The following HAO1 variants were observed in gnomAD, a reference collection of about 807,000 sequenced individuals.
HAO1 encodes the protein hydroxyacid oxidase 1, also known as 2-Hydroxyacid oxidase 1.
Under a neutral mutation model 39.7 loss-of-function variants are expected in HAO1, and 34 were observed. The ratio of observed to expected loss-of-function variants is 0.86; its 90% confidence interval spans 0.65 to 1.14. HAO1 has a LOEUF of 1.14. Ranked by LOEUF, HAO1 falls within the 50% of genes most tolerant of loss-of-function variation. The pLI, the probability that HAO1 is intolerant of heterozygous loss-of-function variation, is 0.00. For synonymous variants in HAO1, 172 were observed against 173.2 expected (o/e 0.99, Z 0.05); for missense variants, 479 against 464.5 (o/e 1.03, Z -0.29).
Position 7,919,281 on chromosome 20 carries a change from T to C in HAO1, c.290-4862A>G, listed in dbSNP as rs2205818. Reference sequence around the variant, plus strand: ...CTTCTCTTACTCACTGACTCTTTCATTGTCCTTAAGACATATCTTCAAAGA... The same window carrying C: ...CTTCTCTTACTCACTGACTCTTTCACTGTCCTTAAGACATATCTTCAAAGA... On this transcript the variant is annotated intron_variant, in intron 2 of 7. Transcript: ENST00000378789. Among the ~76,000 whole-genome samples, 38,513 of 152,200 alleles carry C rather than the reference T, an allele frequency of 0.25. 5,460 individuals are homozygous for C. Among genetic ancestry groups the C allele is most frequent in the East Asian group, 0.48 (2,478 of 5,170 alleles).
chr20:7,889,817 T>A (rs1196375674), intron 5 of HAO1, among the ~76,000 whole-genome samples: 1 of 152,204 alleles, frequency 6.6e-6, no homozygotes, highest in East Asian at 1.9e-4. Flanking sequence ...AACACAATAC[T>A]GTGAAGATGT....
rs969879837 is a variant in HAO1, at chr20:7,883,677, G to T, written c.1043-14C>A. The T allele has an allele frequency of 6.4e-7, 1 of 1,564,368 alleles. No individual in the cohort carries two copies. Among genetic ancestry groups the T allele is most frequent in the African/African-American group, 1.4e-5 (1 of 74,072 alleles). Reference sequence around the variant, plus strand: ...CATTCTGGCACCCTGAAAAAATAATGCATACATTTAATATGAACTGAATGC... The same window carrying T: ...CATTCTGGCACCCTGAAAAAATAATTCATACATTTAATATGAACTGAATGC... On this transcript the variant is annotated splice_polypyrimidine_tract_variant and intron_variant, in intron 7 of 7. Coordinates refer to ENST00000378789, the MANE Select transcript of HAO1 (RefSeq NM_017545.3).
chr20:7,895,144 C>T lies in HAO1; in HGVS notation c.802G>A (p.Val268Met). ...SNHGARQLDG[V>M]PATIDVLPEI... is the part of the protein sequence containing the mutation. ...CTGCCAAAACTCACAGTGGCTGGCA[C>T]CCCATCGAGTTGTCGAGCCCCATGA... The change falls in exon 5 of 8, where the codon GTG (valine) becomes ATG (methionine). Residue 268 changes from valine to methionine, a missense_variant. Physicochemically the swap from Val to Met is conservative, Grantham distance 21. Transcript: ENST00000378789. The T allele has an allele frequency of 1.2e-6, 2 of 1,607,840 alleles. No individual in the cohort carries two copies. The highest frequency in any genetic ancestry group is 1.3e-5 in the African/African-American group (1 of 74,872).
intron 4 of HAO1, among the ~76,000 whole-genome samples, chr20:7,899,558 T>C (rs535880688): frequency 6.6e-6 from 1 of 152,228 alleles, no homozygotes; most frequent in African/African-American, 2.4e-5. Flanking sequence ...TCATTTCAAG[T>C]GGTTTTTATA....
rs905710517 is a variant in HAO1, at chr20:7,928,582, G to C, written c.289+5902C>G. On this transcript the variant is annotated intron_variant, in intron 2 of 7. Transcript: ENST00000378789. The stretch of plus-strand genomic sequence containing the variant: ...ATGCAACACAAGTAGCTCATGCTCA[G>C]TATCACACCTAAGTTCTGTAAGATC... Among the ~76,000 whole-genome samples the C allele has an allele frequency of 2.0e-5, 3 of 150,782 alleles. No homozygotes were observed. The South Asian group carries it at 6.3e-4, about 32-fold the overall frequency.
intron 4 of HAO1, among the ~76,000 whole-genome samples, chr20:7,905,929 A>G (rs899384666): frequency 4.6e-5 from 7 of 152,214 alleles, no homozygotes; most frequent in African/African-American, 1.7e-4. Flanking sequence ...CAATTCTTTG[A>G]AAAAGCTCAC....
At chr20:7,923,539 A>G (rs1045279320) in intron 2 of HAO1, among the ~76,000 whole-genome samples, 15 of 152,118 alleles carry the variant, frequency 9.9e-5, no homozygotes, top group African/African-American at 2.9e-4. Context: ...CACTCATTTC[A>G]GGCAGTCATT....
At chr20:7,899,502 C>T (rs2050211970) in intron 4 of HAO1, among the ~76,000 whole-genome samples, 1 of 152,022 alleles carries the variant, frequency 6.6e-6, no homozygotes, top group Non-Finnish European at 1.5e-5. Flanking sequence ...TAAAGTGCCT[C>T]CCATTTGAAT....
chr20:7,934,848 A>G (rs2050402948), intron 1 of HAO1, among the ~76,000 whole-genome samples: 1 of 152,238 alleles, frequency 6.6e-6, no homozygotes, highest in Non-Finnish European at 1.5e-5. Flanking sequence ...CCAAGCAATT[A>G]TTTATTAAAG....
chr20:7,903,194 A>G (rs967455464), intron 4 of HAO1, among the ~76,000 whole-genome samples: 3 of 152,214 alleles, frequency 2.0e-5, no homozygotes, highest in African/African-American at 7.2e-5. Context: ...TGTTAAATAA[A>G]AGAACCAAAT....
chr20:7,910,852 A>G (rs948565432), intron 3 of HAO1, among the ~76,000 whole-genome samples: 5 of 152,166 alleles, frequency 3.3e-5, no homozygotes, highest in Admixed American at 6.5e-5. Context: ...TTAAGAGGCT[A>G]CTGTGCCAAG....
Position 7,895,321 on chromosome 20 carries a change from CCATCTG to C in HAO1, c.722-103_722-98del. On this transcript the variant is annotated intron_variant, in intron 4 of 7. Transcript: ENST00000378789. Reference sequence around the variant, plus strand: ...ATTCCAGTCAAATGGAGGCTGACTCCCATCTGCATACCTGGGTCAATAATCTTAGCA... The same window carrying C: ...ATTCCAGTCAAATGGAGGCTGACTCCCATACCTGGGTCAATAATCTTAGCA... 7.9e-6 allele frequency: 6 copies of C among 754,740 alleles called. No homozygotes were observed. In the Middle Eastern group the frequency reaches 1.5e-3, roughly 185 times the overall value. 46.8% of individuals were successfully genotyped at this position (754,740 alleles called of 1,614,324 possible). A position where few individuals can be genotyped will look rare whatever the true frequency, so the allele number is the denominator to read the frequency against.
intron 2 of HAO1, among the ~76,000 whole-genome samples, chr20:7,927,815 C>T (rs1158862645): frequency 3.3e-5 from 5 of 152,162 alleles, no homozygotes; most frequent in Non-Finnish European, 7.4e-5. Flanking sequence ...CAGTTAATGA[C>T]GTTTGGAAAT....
chr20:7,902,883 C>T (rs1307497456), intron 4 of HAO1, among the ~76,000 whole-genome samples: 2 of 152,182 alleles, frequency 1.3e-5, no homozygotes, highest in African/African-American at 4.8e-5. Context: ...TTACATCTTC[C>T]ATTCTAATTT....
At chr20:7,921,385 CAAATCA>C (rs1197218729) in intron 2 of HAO1, among the ~76,000 whole-genome samples, 3 of 152,022 alleles carry the variant, frequency 2.0e-5, no homozygotes, top group African/African-American at 7.2e-5. Context: ...CAAAGAAATG[CAAATCA>C]AAACCACAAT....
At chr20:7,915,542 G>A (rs956206127) in intron 2 of HAO1, among the ~76,000 whole-genome samples, 1 of 152,132 alleles carries the variant, frequency 6.6e-6, no homozygotes, top group Non-Finnish European at 1.5e-5. Flanking sequence ...AAACACATGA[G>A]CCAATTCCTA....
At chr20:7,936,503 C>CGTGTGTGTGTGTGTGTGTGT (rs71183082) in intron 1 of HAO1, among the ~76,000 whole-genome samples, 2,827 of 108,946 alleles carry the variant, frequency 0.026, 120 homozygotes, top group Admixed American at 0.05. Context: ...GGGCAGCAGC[C>CGTGTGTGTGTGTGTGTGTGT]GTGTGTGTGT....
intron 7 of HAO1, among the ~76,000 whole-genome samples, chr20:7,884,293 A>G (rs536824606): frequency 8.5e-5 from 13 of 152,330 alleles, no homozygotes; most frequent in African/African-American, 3.1e-4. Context: ...TCAAGACAAC[A>G]AAGCCCCCTG....
chr20:7,904,077 A>G (rs2050236589), intron 4 of HAO1, among the ~76,000 whole-genome samples: 1 of 152,230 alleles, frequency 6.6e-6, no homozygotes, highest in Non-Finnish European at 1.5e-5. Flanking sequence ...AAAAAATAAA[A>G]TGACCTCCTT....
Sources: allele counts gnomAD v4.1 joint callset (sites outside exome capture counted in the v4.1 genomes callset), GRCh38; gene constraint gnomAD v4.1.1; transcripts MANE v1.5; gene names NCBI Gene and HGNC (gene_info 2026-07-23, HGNC 2026-07-21).